The following ZRANB3 variants were observed in gnomAD, a reference collection of about 807,000 sequenced individuals.
The protein encoded by ZRANB3 is DNA annealing helicase and endonuclease ZRANB3.
In ZRANB3, 125 loss-of-function variants were observed where a neutral mutation model predicts 133.8. That is an observed-to-expected ratio of 0.93 (90% CI 0.81 to 1.08). ZRANB3 has a LOEUF of 1.08. Ranked by LOEUF, ZRANB3 falls within the 50% of genes least tolerant of loss-of-function variation. ZRANB3 has a pLI of 0.00. For missense variants in ZRANB3, 1,229 were observed against 1,275.5 expected (o/e 0.96, Z 0.56); for synonymous variants, 387 against 432.7 (o/e 0.89, Z 1.31).
chr2:135,454,423 T>A lies in ZRANB3; in HGVS notation c.161+49906A>T, dbSNP rs193132216. Among the ~76,000 whole-genome samples the A allele has an allele frequency of 2.7e-4, 41 of 149,518 alleles. No individual in the cohort carries two copies. The East Asian group carries it at 7.2e-3, about 26-fold the overall frequency. ...GTCTCTCACTCTCTCTCTTTTTAAA[T>A]CTTTAATTTTTTTTTAATTTAATAA... On this transcript the variant is annotated intron_variant, in intron 2 of 20. Transcript: ENST00000264159.
intron 3 of ZRANB3, among the ~76,000 whole-genome samples, chr2:135,387,956 G>A (rs559247155): frequency 6.6e-6 from 1 of 152,270 alleles, no homozygotes; most frequent in South Asian, 2.1e-4. Context: ...GGATAAGGGT[G>A]TGTTAGAGAA....
chr2:135,435,498 G>C (rs1014189586), intron 2 of ZRANB3, among the ~76,000 whole-genome samples: 2 of 152,012 alleles, frequency 1.3e-5, no homozygotes, highest in Non-Finnish European at 2.9e-5. Context: ...TATTCTTCTG[G>C]GTATATACCC....
chr2:135,368,271 A>G (rs1413857660), intron 3 of ZRANB3, among the ~76,000 whole-genome samples: 1 of 151,996 alleles, frequency 6.6e-6, no homozygotes, highest in African/African-American at 2.4e-5. Flanking sequence ...TTCCTAAGAA[A>G]AAAATTTCAA....
In ZRANB3 at chr2:135,313,472, G is replaced by GGCCC; in HGVS notation, c.966+13_966+16dup. On this transcript the variant is annotated intron_variant, in intron 8 of 20. Transcript: ENST00000264159. The stretch of plus-strand genomic sequence containing the variant: ...ATTTGTATGAAGACAAATACATGAT[G>GGCCC]GCCCAGCAAAGAGTACCTTGGCAAT... 2.7e-6 allele frequency: 4 copies of GGCCC among 1,507,376 alleles called. No homozygotes were observed. Among genetic ancestry groups the GGCCC allele is most frequent in the Non-Finnish European group, 2.8e-6 (3 of 1,089,924 alleles). 93.4% of individuals were successfully genotyped at this position (1,507,376 alleles called of 1,614,324 possible).
chr2:135,317,597 C>T, intron 6 of ZRANB3, among the ~76,000 whole-genome samples: 1 of 152,176 alleles, frequency 6.6e-6, no homozygotes, highest in East Asian at 1.9e-4. Context: ...CACTTGCCTC[C>T]TGCAGAGTAC....
chr2:135,427,304 C>T (rs1689135422), intron 2 of ZRANB3, among the ~76,000 whole-genome samples: 1 of 152,134 alleles, frequency 6.6e-6, no homozygotes, highest in Admixed American at 6.5e-5. Context: ...TAATTCTATA[C>T]CTGGAAAACT....
chr2:135,258,908 A>G (rs1381903880), intron 12 of ZRANB3, among the ~76,000 whole-genome samples: 1 of 152,206 alleles, frequency 6.6e-6, no homozygotes, highest in Non-Finnish European at 1.5e-5. Flanking sequence ...ATGCAGGAAA[A>G]AAAGTTTATT....
intron 12 of ZRANB3, among the ~76,000 whole-genome samples, chr2:135,257,036 G>C (rs560458912): frequency 6.6e-6 from 1 of 152,190 alleles, no homozygotes; most frequent in African/African-American, 2.4e-5. Flanking sequence ...GGTCTAAAAA[G>C]GGGAGGAACC....
At chr2:135,370,948 TTC>T (rs1686151363) in intron 3 of ZRANB3, among the ~76,000 whole-genome samples, 2 of 152,200 alleles carry the variant, frequency 1.3e-5, no homozygotes, top group African/African-American at 2.4e-5. Flanking sequence ...CTTGCACTCA[TTC>T]TCTCTCTCCT....
At chr2:135,411,530 C>A (rs781734744) in intron 2 of ZRANB3, among the ~76,000 whole-genome samples, 35 of 152,272 alleles carry the variant, frequency 2.3e-4, no homozygotes, top group Non-Finnish European at 3.4e-4. Context: ...TGTCCATCAA[C>A]AGTGGACTGA....
chr2:135,335,925 G>T (rs1287657991), intron 6 of ZRANB3, among the ~76,000 whole-genome samples: 1 of 152,122 alleles, frequency 6.6e-6, no homozygotes, highest in Non-Finnish European at 1.5e-5. Flanking sequence ...AAGGAAGTGA[G>T]ATAGAGCAAG....
At chr2:135,225,235 T>C (rs1694714027) in intron 14 of ZRANB3, among the ~76,000 whole-genome samples, 1 of 152,216 alleles carries the variant, frequency 6.6e-6, no homozygotes, top group Admixed American at 6.5e-5. Context: ...TATGGTCATA[T>C]GGCTAGTAAG....
At chr2:135,479,536 G>A (rs1691665442) in intron 2 of ZRANB3, among the ~76,000 whole-genome samples, 1 of 152,074 alleles carries the variant, frequency 6.6e-6, no homozygotes, top group African/African-American at 2.4e-5. Flanking sequence ...TCGGAAGGCT[G>A]AGGCGGGAGA....
rs144492152 is a variant in ZRANB3 at position 135,253,908 on chromosome 2, C to T, written c.1539+11626G>A. 1.3e-3 allele frequency among the ~76,000 whole-genome samples: 204 copies of T among 152,322 alleles called. 5 individuals carry two copies. The East Asian group carries it at 0.038, about 28-fold the overall frequency. On this transcript the variant is annotated intron_variant, in intron 12 of 20. Transcript: ENST00000264159. ...TTTGTTTTTCACACTACCATTAGGACTATCTTTTGAAGACAGATATCTGAT... is the reference window on the plus strand; with the variant it reads ...TTTGTTTTTCACACTACCATTAGGATTATCTTTTGAAGACAGATATCTGAT...
chr2:135,445,104 G>A (rs957552513), intron 2 of ZRANB3, among the ~76,000 whole-genome samples: 5 of 152,126 alleles, frequency 3.3e-5, no homozygotes, highest in African/African-American at 9.7e-5. Flanking sequence ...GTAACTGGAG[G>A]AGAATATGCA....
intron 13 of ZRANB3, among the ~76,000 whole-genome samples, chr2:135,229,575 G>A (rs966900942): frequency 6.6e-6 from 1 of 151,908 alleles, no homozygotes; most frequent in Admixed American, 6.6e-5. Context: ...CACCGTGTTA[G>A]CCAGGATGGT....
At chr2:135,485,354 C>G (rs891907754) in intron 2 of ZRANB3, among the ~76,000 whole-genome samples, 8 of 152,088 alleles carry the variant, frequency 5.3e-5, no homozygotes, top group Non-Finnish European at 7.4e-5. Context: ...AGGCAAGGCT[C>G]AACGACAAAT....
At chr2:135,424,493 G>A (rs1688989549) in intron 2 of ZRANB3, among the ~76,000 whole-genome samples, 1 of 152,212 alleles carries the variant, frequency 6.6e-6, no homozygotes, top group Admixed American at 6.5e-5. Context: ...AGCACTCTGG[G>A]ATGCCGAGGT....
chr2:135,367,492 CT>C (rs1685991826), intron 3 of ZRANB3, among the ~76,000 whole-genome samples: 1 of 152,008 alleles, frequency 6.6e-6, no homozygotes, highest in African/African-American at 2.4e-5. Flanking sequence ...TAAACAATCA[CT>C]GTGTGTGTGT....
Sources: allele counts gnomAD v4.1 joint callset (sites outside exome capture counted in the v4.1 genomes callset), GRCh38; gene constraint gnomAD v4.1.1; transcripts MANE v1.5; gene names NCBI Gene and HGNC (gene_info 2026-07-23, HGNC 2026-07-21).